UBE2R2: variants seen among roughly 807,000 people sequenced by gnomAD.
UBE2R2 encodes the protein ubiquitin-conjugating enzyme E2 R2.
UBE2R2 carries 1 observed loss-of-function variant against 27.8 expected under a neutral mutation model. The observed-to-expected ratio is 0.04, with a 90% CI of 0.01 to 0.17. The LOEUF (loss-of-function observed/expected upper bound fraction) is 0.17. UBE2R2 is among the 10% of genes least tolerant of loss of function. UBE2R2 has a pLI of 1.00. For missense variants in UBE2R2, 100 were observed against 291.0 expected (o/e 0.34, Z 4.78); for synonymous variants, 106 against 113.3 (o/e 0.94, Z 0.41).
intron 1 of UBE2R2, among the ~76,000 whole-genome samples, chr9:33,877,827 C>T (rs10971760): frequency 2.4e-5 from 2 of 82,982 alleles, no homozygotes; most frequent in Admixed American, 2.0e-4. Flanking sequence ...CTGTCTGTCT[C>T]TCTCTCTCTC....
intron 1 of UBE2R2, among the ~76,000 whole-genome samples, chr9:33,821,866 A>T (rs998351407): frequency 6.6e-6 from 1 of 152,074 alleles, no homozygotes; most frequent in African/African-American, 2.4e-5. Flanking sequence ...TGATCTGCCC[A>T]TCTCAGCCTC....
At chr9:33,875,720 G>T (rs1429388085) in intron 1 of UBE2R2, among the ~76,000 whole-genome samples, 1 of 152,116 alleles carries the variant, frequency 6.6e-6, no homozygotes, top group East Asian at 1.9e-4. Context: ...GTTGACCTAA[G>T]GTCAGAGGCC....
chr9:33,912,365 C>A (rs902378498), intron 4 of UBE2R2, among the ~76,000 whole-genome samples: 3 of 152,076 alleles, frequency 2.0e-5, no homozygotes, highest in African/African-American at 7.2e-5. Context: ...TGGCTCATGC[C>A]TGTAATCCCA....
At chr9:33,872,080 T>C (rs1413915985) in intron 1 of UBE2R2, among the ~76,000 whole-genome samples, 1 of 152,088 alleles carries the variant, frequency 6.6e-6, no homozygotes, top group Non-Finnish European at 1.5e-5. Context: ...TGAATAATTT[T>C]TTTTTAATTA....
At chr9:33,900,370 C>A in intron 3 of UBE2R2, 99 bp downstream of exon 3, 1 of 828,558 alleles carries the variant, frequency 1.2e-6, no homozygotes, top group Non-Finnish European at 1.9e-6. Context: ...TGTAAAAAAT[C>A]ATCTTTCTTA....
rs767326705 is a variant in UBE2R2, at chr9:33,817,941, T to G, written c.177+7T>G. 2.5e-5 allele frequency: 40 copies of G among 1,602,672 alleles called. No individual in the cohort carries two copies. The highest frequency in any genetic ancestry group is 2.7e-5 in the Non-Finnish European group (32 of 1,174,294). Reference sequence around the variant, plus strand: ...CGAAGGCGGCTACTTCAAGGTACCCTCACCCTCCTCCCGGACCCTGCTTCC... The same window carrying G: ...CGAAGGCGGCTACTTCAAGGTACCCGCACCCTCCTCCCGGACCCTGCTTCC... On this transcript the variant is annotated splice_region_variant and intron_variant, in intron 1 of 4. Transcript: ENST00000263228.
chr9:33,844,314 T>TTC (rs1267066807), intron 1 of UBE2R2, among the ~76,000 whole-genome samples: 5 of 151,490 alleles, frequency 3.3e-5, no homozygotes, highest in African/African-American at 1.2e-4. Flanking sequence ...AAGCGATTCT[T>TTC]CTGCCTCAGC....
intron 4 of UBE2R2, among the ~76,000 whole-genome samples, chr9:33,916,114 G>A (rs1441629003): frequency 6.6e-6 from 1 of 152,162 alleles, no homozygotes; most frequent in African/African-American, 2.4e-5. Flanking sequence ...AAGCCGAGGT[G>A]GGCAGATCAT....
intron 1 of UBE2R2, among the ~76,000 whole-genome samples, chr9:33,883,784 T>G (rs1278342189): frequency 2.6e-5 from 4 of 151,868 alleles, no homozygotes; most frequent in Non-Finnish European, 5.9e-5. Flanking sequence ...ATTCACTATT[T>G]TTTCTACCTG....
chr9:33,833,957 G>A lies in UBE2R2; in HGVS notation c.177+16023G>A, dbSNP rs537735783. 7.2e-5 allele frequency among the ~76,000 whole-genome samples: 11 copies of A among 152,212 alleles called. No homozygotes were observed. The East Asian group carries it at 2.1e-3, about 29-fold the overall frequency. On this transcript the variant is annotated intron_variant, in intron 1 of 4. Coordinates refer to ENST00000263228, the MANE Select transcript of UBE2R2 (RefSeq NM_017811.4). Reference sequence around the variant, plus strand: ...AATTATCTCAAGATTCATCCATGTTGTAGCATGTCTCTGAATTTCATCCCT... The same window carrying A: ...AATTATCTCAAGATTCATCCATGTTATAGCATGTCTCTGAATTTCATCCCT...
chr9:33,815,713 C>T (rs1039602824), upstream of UBE2R2, among the ~76,000 whole-genome samples: 6 of 152,172 alleles, frequency 3.9e-5, no homozygotes, highest in East Asian at 1.2e-3. Context: ...TACTGTACTC[C>T]AGCCTGGGCA....
chr9:33,887,649 TG>T (rs869149571), intron 2 of UBE2R2, among the ~76,000 whole-genome samples: 1 of 15,222 alleles, frequency 6.6e-5, no homozygotes, highest in African/African-American at 3.3e-4. Context: ...TGTGCTTTTT[TG>T]TTTGTTTGTT....
chr9:33,890,788 C>T (rs1298224048), intron 2 of UBE2R2, among the ~76,000 whole-genome samples: 1 of 152,078 alleles, frequency 6.6e-6, no homozygotes. Flanking sequence ...CCAGCCTGGG[C>T]GACAGAGCAA....
intron 1 of UBE2R2, among the ~76,000 whole-genome samples, chr9:33,834,726 C>A (rs1820574841): frequency 6.6e-6 from 1 of 151,724 alleles, no homozygotes; most frequent in Non-Finnish European, 1.5e-5. Flanking sequence ...GCCTGGCCAA[C>A]GTGGAGAAAC....
rs376101396 is a variant in UBE2R2, at chr9:33,859,799, TGAGAGAGA to T, written c.178-27065_178-27058del. On this transcript the variant is annotated intron_variant, in intron 1 of 4. Coordinates refer to ENST00000263228, the MANE Select transcript of UBE2R2 (RefSeq NM_017811.4). ...GTGTGTGTGTGTGTGTGTGTGTGTG[TGAGAGAGA>T]GAGAGAGAGAGAGAGACAGGATCTC... 2.2e-4 allele frequency among the ~76,000 whole-genome samples: 19 copies of T among 86,582 alleles called. No homozygotes were observed. The South Asian group carries it at 2.3e-3, about 11-fold the overall frequency. The allele number at this position is 86,582 out of a possible 152,430, so 56.8% of individuals were successfully genotyped here.
chr9:33,874,219 A>G (rs977560345), intron 1 of UBE2R2, among the ~76,000 whole-genome samples: 1 of 152,084 alleles, frequency 6.6e-6, no homozygotes, highest in African/African-American at 2.4e-5. Context: ...AAGTGCTGGG[A>G]TTACAGGCAT....
At chr9:33,853,960 T>G (rs901041072) in intron 1 of UBE2R2, among the ~76,000 whole-genome samples, 6 of 152,024 alleles carry the variant, frequency 3.9e-5, no homozygotes, top group Non-Finnish European at 2.9e-5. Context: ...CCTCCCAAAG[T>G]GCTGGGATTA....
At chr9:33,858,832 T>C (rs113429607) in intron 1 of UBE2R2, among the ~76,000 whole-genome samples, 1,860 of 152,148 alleles carry the variant, frequency 0.012, 40 homozygotes, top group African/African-American at 0.042. Context: ...TTGTTTTGTT[T>C]TGTTTTGTTT....
intron 1 of UBE2R2, among the ~76,000 whole-genome samples, chr9:33,859,036 G>A (rs1821166811): frequency 6.6e-6 from 1 of 152,020 alleles, no homozygotes; most frequent in South Asian, 2.1e-4. Context: ...ATGTTGGCCA[G>A]GCTGGTCTTG....
Sources: gnomAD v4.1 joint callset for allele counts (sites outside exome capture counted in the v4.1 genomes callset) on GRCh38, gnomAD v4.1.1 for gene constraint, MANE v1.5 for transcripts, NCBI Gene and HGNC (gene_info 2026-07-23, HGNC 2026-07-21) for gene names.